Variants in FRY observed in about 807,000 individuals in gnomAD.
FRY encodes the protein FRY microtubule binding protein.
In FRY, 128 loss-of-function variants were observed where a neutral mutation model predicts 348.4. The ratio of observed to expected loss-of-function variants is 0.37; its 90% CI spans 0.32 to 0.43. The LOEUF (loss-of-function observed/expected upper bound fraction) is 0.43, where lower values mean the gene tolerates loss of function less well. FRY is among the 20% of genes least tolerant of loss of function. The pLI, the probability that FRY is intolerant of heterozygous loss-of-function variation, is 1.00. For synonymous variants in FRY, 1,370 were observed against 1,374.7 expected (o/e 1.00, Z 0.08); for missense variants, 2,736 against 3,695.2 (o/e 0.74, Z 6.73).
At chr13:32,202,220 T>C in intron 30 of FRY, 136 bp from the exon 31 acceptor site, 3 of 820,116 alleles carry the variant, frequency 3.7e-6, no homozygotes, top group Non-Finnish European at 4.2e-6. Flanking sequence ...ATTAAACTGA[T>C]GTTTTACCTT....
At position 32,239,819 on chromosome 13, in the gene FRY, T is replaced by A; in HGVS notation, c.6625T>A (p.Cys2209Ser). The A allele has an allele frequency of 1.2e-6, 2 of 1,614,178 alleles. No homozygotes were observed. The highest frequency in any genetic ancestry group is 1.7e-6 in the Non-Finnish European group (2 of 1,180,006). Residue 2209 changes from cysteine to serine, a missense_variant, in exon 46 of 61, where the codon TGT (cysteine) becomes AGT (serine). Coordinates refer to ENST00000542859, the MANE Select transcript of FRY (RefSeq NM_023037.3). The surrounding 1 kb of genome is among the most constrained non-coding windows in gnomAD (Gnocchi z 4.3). ...CTGTGCCACGTGGGTCAATGTGGTCTGTCGATACCTTCATGAAGCATATGC... is the reference window on the plus strand; with the variant it reads ...CTGTGCCACGTGGGTCAATGTGGTCAGTCGATACCTTCATGAAGCATATGC... ...RDCATWVNVV[C>S]RYLHEAYADI...
chr13:32,156,064 C>T (rs1881086590), intron 15 of FRY, among the ~76,000 whole-genome samples: 3 of 151,996 alleles, frequency 2.0e-5, no homozygotes. Flanking sequence ...TTAAACATGC[C>T]AAATCTCACA....
chr13:32,225,295 T>A (rs1414822742), intron 38 of FRY, among the ~76,000 whole-genome samples: 3 of 152,182 alleles, frequency 2.0e-5, no homozygotes, highest in Admixed American at 1.3e-4. Context: ...CCAAAATAAG[T>A]TGGGCCTTTT....
At position 32,218,634 on chromosome 13, in the gene FRY, G is replaced by A. The variant is rs1033209405; in HGVS notation, c.4683-115G>A. On this transcript the variant is annotated intron_variant, in intron 35 of 60. Transcript: ENST00000542859. ...GCGGAGATTGCAGTGAGCCAAGATC[G>A]CACCACGGTAGTGCAGCCTGGTGAC... The A allele has an allele frequency of 7.8e-5, 51 of 650,138 alleles. 1 individual carries two copies. The highest frequency in any genetic ancestry group is 4.3e-4 in the African/African-American group (22 of 51,284). 40.3% of individuals were successfully genotyped at this position (650,138 alleles called of 1,614,324 possible).
intron 1 of FRY, among the ~76,000 whole-genome samples, chr13:32,053,513 A>G (rs1025175063): frequency 1.3e-5 from 2 of 152,240 alleles, no homozygotes; most frequent in East Asian, 1.9e-4. Flanking sequence ...TTGCAGACGA[A>G]CTGTCTCGGT....
chr13:32,290,391 C>T (rs1445122703), intron 59 of FRY, among the ~76,000 whole-genome samples: 2 of 152,050 alleles, frequency 1.3e-5, no homozygotes, highest in African/African-American at 4.8e-5. Context: ...AACTGAAGAG[C>T]TTGCTGGAGG....
chr13:32,286,943 A>C (rs1457498964), intron 58 of FRY, among the ~76,000 whole-genome samples: 1 of 151,682 alleles, frequency 6.6e-6, no homozygotes, highest in Non-Finnish European at 1.5e-5. Flanking sequence ...GCAGATCAAG[A>C]GGTCAGGAGT....
chr13:32,184,570 C>G (rs1479220933), intron 24 of FRY, 30 bp from the exon 25 acceptor site: 1 of 1,357,404 alleles, frequency 7.4e-7, no homozygotes, highest in Non-Finnish European at 1.1e-6. Context: ...TTGCCTGTGT[C>G]TGTAAGTGAT....
At chr13:32,154,221 A>G (rs1880970431) in intron 14 of FRY, among the ~76,000 whole-genome samples, 1 of 152,228 alleles carries the variant, frequency 6.6e-6, no homozygotes, top group Non-Finnish European at 1.5e-5. Flanking sequence ...AACTATCAAA[A>G]GAGGGAACTA....
chr13:32,197,290 C>T (rs1473083808), intron 29 of FRY, among the ~76,000 whole-genome samples: 3 of 152,012 alleles, frequency 2.0e-5, no homozygotes, highest in Non-Finnish European at 4.4e-5. Context: ...TAAGTCAGGC[C>T]TAGCAAACTT....
intron 2 of FRY, among the ~76,000 whole-genome samples, chr13:32,081,462 C>A (rs1322732062): frequency 6.6e-6 from 1 of 152,146 alleles, no homozygotes; most frequent in Non-Finnish European, 1.5e-5. Flanking sequence ...GTAGCTAGGA[C>A]TATAAGCGTG....
chr13:32,172,453 C>T lies in FRY; in HGVS notation c.2152-914C>T, dbSNP rs78382829. Among the ~76,000 whole-genome samples the T allele has an allele frequency of 7.4e-3, 1,123 of 152,274 alleles. 20 individuals carry two copies. The highest frequency in any genetic ancestry group is 0.026 in the African/African-American group (1,078 of 41,522). On this transcript the variant is annotated intron_variant, in intron 18 of 60. Transcript: ENST00000542859. ...TATGGGCTGCTTTGTTCAATATCCACGGAGAGGACAGTGCAGTCTTGTGGT... is the reference window on the plus strand; with the variant it reads ...TATGGGCTGCTTTGTTCAATATCCATGGAGAGGACAGTGCAGTCTTGTGGT...
At chr13:32,244,701 A>G (rs529169820) in intron 47 of FRY, among the ~76,000 whole-genome samples, 9 of 152,334 alleles carry the variant, frequency 5.9e-5, no homozygotes, top group Admixed American at 2.0e-4. Flanking sequence ...GATAAATAAA[A>G]CAAGATGACA....
chr13:32,254,136 C>T (rs1469455236), intron 50 of FRY, 88 bp from the exon 51 acceptor site: 15 of 1,151,962 alleles, frequency 1.3e-5, no homozygotes, highest in Admixed American at 8.4e-5. Context: ...ACTGGAAATA[C>T]GGTGCTATGA....
chr13:32,111,833 T>C (rs1877985237), intron 3 of FRY, among the ~76,000 whole-genome samples: 1 of 152,190 alleles, frequency 6.6e-6, no homozygotes, highest in African/African-American at 2.4e-5. Flanking sequence ...GATTCCAGAA[T>C]AGTCATGAGT....
At chr13:32,085,488 T>C (rs1417142962) in intron 2 of FRY, among the ~76,000 whole-genome samples, 1 of 152,218 alleles carries the variant, frequency 6.6e-6, no homozygotes, top group Non-Finnish European at 1.5e-5. Flanking sequence ...GACTCCTGCT[T>C]CCACCTCTTT....
At chr13:32,114,125 CG>C (rs1440683431) in intron 3 of FRY, among the ~76,000 whole-genome samples, 1 of 152,120 alleles carries the variant, frequency 6.6e-6, no homozygotes, top group Non-Finnish European at 1.5e-5. Flanking sequence ...AGGAGTCAAA[CG>C]TAAGTTTCCA....
chr13:32,156,847 A>G (rs1473592579), intron 15 of FRY, among the ~76,000 whole-genome samples: 2 of 152,102 alleles, frequency 1.3e-5, no homozygotes, highest in African/African-American at 4.8e-5. Flanking sequence ...TACTAAAAAA[A>G]TTCACATATA....
chr13:32,176,360 A>G (rs1169810407), intron 20 of FRY, among the ~76,000 whole-genome samples: 2 of 152,368 alleles, frequency 1.3e-5, no homozygotes, highest in East Asian at 3.9e-4. Flanking sequence ...GACTCCTTGC[A>G]GAATCCATGT....
Sources: gnomAD v4.1 joint callset for allele counts (sites outside exome capture counted in the v4.1 genomes callset) on GRCh38, gnomAD v4.1.1 for gene constraint, Gnocchi (gnomAD v3.1) non-coding constraint, MANE v1.5 for transcripts, NCBI Gene and HGNC (gene_info 2026-07-23, HGNC 2026-07-21) for gene names.